The following PICK1 variants were observed in gnomAD, a reference collection of about 807,000 sequenced individuals.
PICK1 encodes the protein PRKCA-binding protein.
In PICK1, 23 loss-of-function variants were observed where a neutral mutation model predicts 48.9. That is an observed-to-expected ratio of 0.47 (90% CI 0.34 to 0.67). PICK1 has a LOEUF of 0.67. Ranked by LOEUF, PICK1 falls within the 30% of genes least tolerant of loss-of-function variation. The pLI is 0.01. For missense variants in PICK1, 423 were observed against 557.1 expected (o/e 0.76, Z 2.42); for synonymous variants, 217 against 228.2 (o/e 0.95, Z 0.44).
rs995834848 is a variant in PICK1 at position 38,073,282 on chromosome 22, G to A, written c.783+190G>A. Among the ~76,000 whole-genome samples, 1 of 152,264 alleles carries A rather than the reference G, an allele frequency of 6.6e-6. No individual in the cohort carries two copies. The highest frequency in any genetic ancestry group is 2.4e-5 in the African/African-American group (1 of 41,474). The stretch of plus-strand genomic sequence containing the variant: ...CGCCTGCACAAAGAAGCATCTGAGA[G>A]CCTGGGGCGGGCATGGCTCTCGCTG... On this transcript the variant is annotated intron_variant, in intron 10 of 12. Coordinates refer to ENST00000356976, the MANE Select transcript of PICK1 (RefSeq NM_012407.4). The surrounding 1 kb of genome is among the most constrained non-coding windows in gnomAD (Gnocchi z 5.7).
intron 3 of PICK1, among the ~76,000 whole-genome samples, chr22:38,061,007 C>T (rs2085387542): frequency 6.6e-6 from 1 of 151,924 alleles, no homozygotes; most frequent in Non-Finnish European, 1.5e-5. Context: ...CCTCAGCCTC[C>T]CAAAGTGCTA....
intron 9 of PICK1, 108 bp from the exon 10 acceptor site, chr22:38,072,892 G>A: frequency 2.3e-6 from 2 of 868,276 alleles, no homozygotes; most frequent in Non-Finnish European, 4.0e-6. Context: ...AGCACCATCT[G>A]GCTCTGATAG....
intron 6 of PICK1, 83 bp from the exon 7 acceptor site, chr22:38,070,755 G>A: frequency 2.5e-6 from 3 of 1,179,222 alleles, no homozygotes; most frequent in Non-Finnish European, 3.8e-6. Context: ...CTCTGGGGTT[G>A]CCTCTCCCCT....
chr22:38,062,335 GC>G (rs1431893929), intron 3 of PICK1, among the ~76,000 whole-genome samples: 2 of 149,626 alleles, frequency 1.3e-5, no homozygotes, highest in African/African-American at 4.9e-5. Context: ...GCAACCTCCA[GC>G]CCCCGGGTTC....
At chr22:38,062,972 C>G (rs970820629) in intron 3 of PICK1, among the ~76,000 whole-genome samples, 1 of 151,994 alleles carries the variant, frequency 6.6e-6, no homozygotes, top group Non-Finnish European at 1.5e-5. Flanking sequence ...GTTTTTGTCC[C>G]TGGTGTTGGG....
chr22:38,072,368 CAT>C, intron 8 of PICK1, 107 bp from the exon 9 acceptor site: 1 of 1,319,364 alleles, frequency 7.6e-7, no homozygotes, highest in South Asian at 1.3e-5. Context: ...CCTGTGCAGA[CAT>C]TGGCTTCCAG....
chr22:38,070,721 CT>C (rs1160653570), intron 6 of PICK1, 116 bp from the exon 7 acceptor site: 2 of 875,628 alleles, frequency 2.3e-6, no homozygotes, highest in Non-Finnish European at 3.8e-6. Flanking sequence ...CCTGGGACCC[CT>C]GATCTTTCCC....
chr22:38,072,034 C>T (rs1233150624), intron 8 of PICK1: 14 of 518,086 alleles, frequency 2.7e-5, no homozygotes, highest in Non-Finnish European at 4.2e-5. Flanking sequence ...CTGGGCAGGC[C>T]GACTGCAGCT....
Position 38,070,817 on chromosome 22 carries a change from CTCT to C in PICK1, c.440-16_440-14del. The C allele has an allele frequency of 3.1e-6, 5 of 1,613,274 alleles. No homozygotes were observed. The highest frequency in any genetic ancestry group is 2.2e-5 in the South Asian group (2 of 91,062). On this transcript the variant is annotated intron_variant, in intron 6 of 12. Coordinates refer to ENST00000356976, the MANE Select transcript of PICK1 (RefSeq NM_012407.4). ...GGCTTGCTGAGCCCACTGACCTCCCCTCTTCTTTGAATCCCGACAGATGGGCTT... is the reference window on the plus strand; with the variant it reads ...GGCTTGCTGAGCCCACTGACCTCCCCTCTTTGAATCCCGACAGATGGGCTT...
chr22:38,070,779 C>G lies in PICK1; in HGVS notation c.440-59C>G, dbSNP rs955434543. On this transcript the variant is annotated intron_variant, in intron 6 of 12. Coordinates refer to ENST00000356976, the MANE Select transcript of PICK1 (RefSeq NM_012407.4). The stretch of plus-strand genomic sequence containing the variant: ...TGCCTCTCCCCTCCCCAGCATGGCC[C>G]TGGGCCTCCTGTGGCTTGCTGAGCC... 3.4e-6 allele frequency: 5 copies of G among 1,491,366 alleles called. No homozygotes were observed. In the Admixed American group the frequency reaches 6.7e-5, roughly 20 times the overall value. The allele number at this position is 1,491,366 out of a possible 1,614,324, so 92.4% of individuals were successfully genotyped here.
At position 38,074,859 on chromosome 22, in the gene PICK1, C is replaced by G. The variant is rs1601962408; in HGVS notation, c.980-5C>G. ...TGCAGCCTGTCCCCCGACCTCCCAC[C>G]CCAGTCCAGGACATCGTGTTCCAGC... is the stretch of plus-strand genomic sequence containing the variant. On this transcript the variant is annotated splice_polypyrimidine_tract_variant and splice_region_variant and intron_variant, in intron 12 of 12. Transcript: ENST00000356976. This position sits in a 1 kb window ranked among gnomAD's most constrained non-coding sequence, Gnocchi z 4.5. 1 of 1,611,064 alleles carries G rather than the reference C, an allele frequency of 6.2e-7. No homozygotes were observed. The highest frequency in any genetic ancestry group is 8.5e-7 in the Non-Finnish European group (1 of 1,179,944).
intron 7 of PICK1, among the ~76,000 whole-genome samples, chr22:38,071,192 CA>C (rs532556039): frequency 2.0e-5 from 3 of 152,046 alleles, no homozygotes; most frequent in Non-Finnish European, 4.4e-5. Context: ...ACTGAAAATA[CA>C]AAAATTAGCC....
intron 7 of PICK1, among the ~76,000 whole-genome samples, 194 bp from the exon 8 acceptor site, chr22:38,071,488 C>T (rs1388755542): frequency 1.3e-5 from 2 of 152,244 alleles, no homozygotes; most frequent in African/African-American, 4.8e-5. Context: ...GCTGGCGCCC[C>T]TGTCTGATGG....
In PICK1 at chr22:38,062,740, G is replaced by C. The variant is rs188793105; in HGVS notation, c.154-2262G>C. Among the ~76,000 whole-genome samples the C allele has an allele frequency of 3.0e-4, 45 of 152,148 alleles. No homozygotes were observed. The East Asian group carries it at 8.5e-3, about 29-fold the overall frequency. On this transcript the variant is annotated intron_variant, in intron 3 of 12. Transcript: ENST00000356976. ...GGGATGTCAATTTTTTGAGACCTCG[G>C]GTCTGTCTTTTTTGGTCATTGTGGT...
rs2085790730 is a variant in PICK1 at position 38,074,663 on chromosome 22, C to T, written c.980-201C>T. On this transcript the variant is annotated intron_variant, in intron 12 of 12. Transcript: ENST00000356976. This position sits in a 1 kb window ranked among gnomAD's most constrained non-coding sequence, Gnocchi z 4.5. ...GATCCATTTACCCTGCAGCCTCCTG[C>T]GTTCCCTGAACTGGGAGCGGGGAGG... Among the ~76,000 whole-genome samples, 1 of 152,222 alleles carries T rather than the reference C, an allele frequency of 6.6e-6. No individual in the cohort carries two copies. Among genetic ancestry groups the T allele is most frequent in the Non-Finnish European group, 1.5e-5 (1 of 68,038 alleles).
chr22:38,067,463 T>G, intron 4 of PICK1: 1 of 456,270 alleles, frequency 2.2e-6, no homozygotes, highest in South Asian at 1.9e-5. Context: ...CACGCGCCAC[T>G]ACGCCCAGCT....
chr22:38,074,803 C>A lies in PICK1; in HGVS notation c.980-61C>A. 1 of 1,593,236 alleles carries A rather than the reference C, an allele frequency of 6.3e-7. No homozygotes were observed. The highest frequency in any genetic ancestry group is 1.3e-5 in the African/African-American group (1 of 74,870). ...GGTGGGCCGGGTGGGCTGGGAGAGTCTCCTCCCTGAGGCAGGCAGCCAGAG... is the reference window on the plus strand; with the variant it reads ...GGTGGGCCGGGTGGGCTGGGAGAGTATCCTCCCTGAGGCAGGCAGCCAGAG... On this transcript the variant is annotated intron_variant, in intron 12 of 12. Coordinates refer to ENST00000356976, the MANE Select transcript of PICK1 (RefSeq NM_012407.4). This position sits in a 1 kb window ranked among gnomAD's most constrained non-coding sequence, Gnocchi z 4.5.
At chr22:38,065,959 C>T (rs1166355246) in intron 4 of PICK1, among the ~76,000 whole-genome samples, 1 of 152,114 alleles carries the variant, frequency 6.6e-6, no homozygotes, top group East Asian at 1.9e-4. Flanking sequence ...GGTTCTGGCA[C>T]TCCTGATAGT....
chr22:38,060,253 C>A (rs545051937), intron 3 of PICK1, among the ~76,000 whole-genome samples: 1 of 152,292 alleles, frequency 6.6e-6, no homozygotes, highest in African/African-American at 2.4e-5. Flanking sequence ...TAAGCAGTAG[C>A]TGCTGCTATT....
Sources: allele counts gnomAD v4.1 joint callset (sites outside exome capture counted in the v4.1 genomes callset), GRCh38; gene constraint gnomAD v4.1.1; non-coding constraint Gnocchi (gnomAD v3.1); transcripts MANE v1.5; gene names NCBI Gene and HGNC (gene_info 2026-07-23, HGNC 2026-07-21).